The following RAB12 variants were observed in gnomAD, a reference collection of about 807,000 sequenced individuals.
RAB12 encodes the protein RAB12, member RAS oncogene family.
A neutral mutation model predicts 28.4 loss-of-function variants in RAB12; 11 were observed. The observed-to-expected ratio is 0.39, with a 90% CI of 0.24 to 0.64. The LOEUF (loss-of-function observed/expected upper bound fraction) is 0.64, where lower values mean the gene tolerates loss of function less well. RAB12 is among the 30% of genes least tolerant of loss of function. The pLI is 0.50. For synonymous variants in RAB12, 138 were observed against 145.3 expected (o/e 0.95, Z 0.36); for missense variants, 276 against 351.1 (o/e 0.79, Z 1.71).
intron 2 of RAB12, among the ~76,000 whole-genome samples, chr18:8,627,958 GCGT>G (rs2096013784): frequency 6.6e-6 from 1 of 152,174 alleles, no homozygotes; most frequent in Admixed American, 6.5e-5. Context: ...AATTCTCCAA[GCGT>G]TGTTGTATCA....
rs1026446507 is a variant in RAB12 at position 8,612,293 on chromosome 18, A to T, written c.514+2340A>T. On this transcript the variant is annotated intron_variant, in intron 1 of 5. Coordinates refer to ENST00000649141, the MANE Select transcript of RAB12 (RefSeq NM_001025300.3). ...CTCGTCATTGGAATGTTTGAAGATA[A>T]GTTTGTTCCTCTAGTTCCTTTAGAA... Among the ~76,000 whole-genome samples the T allele has an allele frequency of 2.9e-4, 44 of 152,328 alleles. No homozygotes were observed. In the Middle Eastern group the frequency reaches 0.017, roughly 59 times the overall value.
At position 8,614,475 on chromosome 18, in the gene RAB12, C is replaced by T. The variant is rs796887447; in HGVS notation, c.514+4522C>T. Among the ~76,000 whole-genome samples, 8 of 145,686 alleles carry T rather than the reference C, an allele frequency of 5.5e-5. 1 individual carries two copies. Among genetic ancestry groups the T allele is most frequent in the African/African-American group, 2.0e-4 (8 of 39,172 alleles). Reference sequence around the variant, plus strand: ...AATGCTGGTGGCCAGCATAGGATTGCCAGTTCTTTATTTTGCCAAGTAAGA... The same window carrying T: ...AATGCTGGTGGCCAGCATAGGATTGTCAGTTCTTTATTTTGCCAAGTAAGA... On this transcript the variant is annotated intron_variant, in intron 1 of 5. Transcript: ENST00000649141.
intron 1 of RAB12, 83 bp downstream of exon 1, chr18:8,610,036 G>T (rs76182132): frequency 2.3e-5 from 24 of 1,059,310 alleles, no homozygotes. Flanking sequence ...GAGTCTCATC[G>T]AGCCTGGGAG....
rs527941039 is a variant in RAB12 at position 8,618,836 on chromosome 18, C to T, written c.515-6102C>T. 7.2e-4 allele frequency among the ~76,000 whole-genome samples: 110 copies of T among 152,244 alleles called. 1 individual carries two copies. The highest frequency in any genetic ancestry group is 1.4e-3 in the Non-Finnish European group (92 of 68,004). ...CACATTCTCTTTTCCTTATATGGGA[C>T]GAGAATTCATTTTGAACTCTTCCCC... On this transcript the variant is annotated intron_variant, in intron 1 of 5. Coordinates refer to ENST00000649141, the MANE Select transcript of RAB12 (RefSeq NM_001025300.3).
rs1339693012 is a variant in RAB12, at chr18:8,631,573, A to C, written c.576-1616A>C. ...TGCTGAGAAAATTGGGAAAAAGCCC[A>C]CTGCCCGGTTCCCAGCACATCTTCA... On this transcript the variant is annotated intron_variant, in intron 2 of 5. Transcript: ENST00000649141. Among the ~76,000 whole-genome samples, 4 of 152,210 alleles carry C rather than the reference A, an allele frequency of 2.6e-5. No homozygotes were observed. The East Asian group carries it at 7.7e-4, about 29-fold the overall frequency.
At chr18:8,620,482 G>T (rs2096009303) in intron 1 of RAB12, among the ~76,000 whole-genome samples, 1 of 151,894 alleles carries the variant, frequency 6.6e-6, no homozygotes, top group Non-Finnish European at 1.5e-5. Context: ...TTGTGTTGCT[G>T]CACACACTCA....
intron 2 of RAB12, among the ~76,000 whole-genome samples, chr18:8,626,808 T>C (rs1358117320): frequency 6.6e-6 from 1 of 152,232 alleles, no homozygotes; most frequent in African/African-American, 2.4e-5. Flanking sequence ...TTTTTCATTC[T>C]CTAAATCTGT....
chr18:8,638,033 T>C (rs1311273087), intron 5 of RAB12, 116 bp from the exon 6 acceptor site: 1 of 637,190 alleles, frequency 1.6e-6, no homozygotes, highest in Admixed American at 2.6e-5. Context: ...GAAACTTGTA[T>C]TGAAAAGCAG....
At chr18:8,624,188 T>C (rs926636528) in intron 1 of RAB12, among the ~76,000 whole-genome samples, 3 of 152,256 alleles carry the variant, frequency 2.0e-5, no homozygotes, top group African/African-American at 7.2e-5. Flanking sequence ...TTGTTTCCCT[T>C]AGTTATGAAA....
chr18:8,624,374 TA>T (rs1260651127), intron 1 of RAB12, among the ~76,000 whole-genome samples: 1 of 152,170 alleles, frequency 6.6e-6, no homozygotes, highest in Admixed American at 6.5e-5. Context: ...GAATAAAAAT[TA>T]AAGTTGGGTA....
At chr18:8,631,710 G>C (rs996312580) in intron 2 of RAB12, among the ~76,000 whole-genome samples, 2 of 152,166 alleles carry the variant, frequency 1.3e-5, no homozygotes, top group African/African-American at 4.8e-5. Context: ...ATATGGTCAA[G>C]TGCACATCTA....
chr18:8,616,017 C>G (rs999232046), intron 1 of RAB12, among the ~76,000 whole-genome samples: 2 of 152,208 alleles, frequency 1.3e-5, no homozygotes, highest in Non-Finnish European at 2.9e-5. Context: ...AAATTATTCT[C>G]TATCCTTGGG....
Position 8,639,117 on chromosome 18 carries a change from A to AGCTTATT in RAB12, c.*856_*862dup, listed in dbSNP as rs2096020684. 8.8e-6 allele frequency: 1 copy of AGCTTATT among 113,538 alleles called. No individual in the cohort carries two copies. The highest frequency in any genetic ancestry group is 3.2e-4 in the South Asian group (1 of 3,152). 7.0% of individuals were successfully genotyped at this position (113,538 alleles called of 1,614,324 possible). A position where few individuals can be genotyped will look rare whatever the true frequency, so the allele number is the denominator to read the frequency against. On this transcript the variant is annotated 3_prime_UTR_variant, in exon 6 of 6. Coordinates refer to ENST00000649141, the MANE Select transcript of RAB12 (RefSeq NM_001025300.3). ...AAAACTTCCCCCTTCTTTACGGTGA[A>AGCTTATT]GCTTATTCTGATTAAGCCTAGACTG...
At chr18:8,610,010 T>C in intron 1 of RAB12, 57 bp downstream of exon 1, 2 of 1,375,732 alleles carry the variant, frequency 1.5e-6, no homozygotes, top group South Asian at 2.4e-5. Context: ...CAGGTGCCCT[T>C]CGCCCCGTGG....
At chr18:8,623,201 A>G (rs929952581) in intron 1 of RAB12, among the ~76,000 whole-genome samples, 1 of 152,234 alleles carries the variant, frequency 6.6e-6, no homozygotes, top group African/African-American at 2.4e-5. Context: ...GGAAGTGATA[A>G]GTGTCGATGG....
At chr18:8,633,055 T>A (rs2096016909) in intron 2 of RAB12, 134 bp from the exon 3 acceptor site, 2 of 1,079,198 alleles carry the variant, frequency 1.9e-6, no homozygotes, top group Admixed American at 2.2e-5. Flanking sequence ...GGTCATCAGG[T>A]CAAAGGGAAA....
In RAB12 at chr18:8,639,144, GTTCTTTTTTTTTTTTTTTT is replaced by G. The variant is rs2096020800; in HGVS notation, c.*885_*903del. Reference sequence around the variant, plus strand: ...CTTATTCTGATTAAGCCTAGACTGTGTTCTTTTTTTTTTTTTTTTTTTTTTTTTTTTTTTTTTTTTTTTT... The same window carrying G: ...CTTATTCTGATTAAGCCTAGACTGTGTTTTTTTTTTTTTTTTTTTTTTTTT... On this transcript the variant is annotated 3_prime_UTR_variant, in exon 6 of 6. Transcript: ENST00000649141. 1.1e-3 allele frequency: 18 copies of G among 16,582 alleles called. No homozygotes were observed. Among genetic ancestry groups the G allele is most frequent in the Admixed American group, 9.7e-4 (1 of 1,026 alleles). 1.0% of individuals were successfully genotyped at this position (16,582 alleles called of 1,614,324 possible). A position where few individuals can be genotyped will look rare whatever the true frequency, so the allele number is the denominator to read the frequency against.
In RAB12 at chr18:8,636,339, C is replaced by G. The variant is rs1244757681; in HGVS notation, c.891C>G (p.Val297=). Reference sequence around the variant, plus strand: ...TGGACGAGATATTTTTGAAACTTGTCGATGACATTCTGAAAAAGGTAAAAA... The same window carrying G: ...TGGACGAGATATTTTTGAAACTTGTGGATGACATTCTGAAAAAGGTAAAAA... ...FNVDEIFLKL[V]DDILKKMPLD... The change falls in exon 5 of 6, where the codon GTC becomes GTG. Residue 297 remains valine, a synonymous_variant. Coordinates refer to ENST00000649141, the MANE Select transcript of RAB12 (RefSeq NM_001025300.3). 1 of 1,599,886 alleles carries G rather than the reference C, an allele frequency of 6.3e-7. No individual in the cohort carries two copies. The highest frequency in any genetic ancestry group is 8.5e-7 in the Non-Finnish European group (1 of 1,170,434).
At chr18:8,630,899 T>C (rs1281351317) in intron 2 of RAB12, among the ~76,000 whole-genome samples, 1 of 151,320 alleles carries the variant, frequency 6.6e-6, no homozygotes, top group African/African-American at 2.4e-5. Context: ...TTTGTTTTTG[T>C]TTTTTGAGAT....
Sources: gnomAD v4.1 joint callset for allele counts (sites outside exome capture counted in the v4.1 genomes callset) on GRCh38, gnomAD v4.1.1 for gene constraint, MANE v1.5 for transcripts, NCBI Gene and HGNC (gene_info 2026-07-23, HGNC 2026-07-21) for gene names.